Variants in SYT14 observed in about 807,000 individuals in gnomAD.
SYT14 encodes synaptotagmin 14.
SYT14 carries 32 observed loss-of-function variants against 74.2 expected under a neutral mutation model. The observed-to-expected ratio is 0.43, with a 90% CI of 0.33 to 0.58. The LOEUF is 0.58. Ranked by LOEUF, SYT14 falls within the 20% of genes least tolerant of loss-of-function variation. The pLI is 0.05. For synonymous variants in SYT14, 298 were observed against 337.7 expected (o/e 0.88, Z 1.29); for missense variants, 791 against 981.8 (o/e 0.81, Z 2.60).
intron 4 of SYT14, among the ~76,000 whole-genome samples, chr1:210,019,469 CA>C (rs2080259355): frequency 6.6e-6 from 1 of 152,134 alleles, no homozygotes; most frequent in Non-Finnish European, 1.5e-5. Flanking sequence ...TGGCTAATAG[CA>C]TGGGGAACTG....
At chr1:209,961,686 A>T (rs751207801) in intron 2 of SYT14, among the ~76,000 whole-genome samples, 2 of 152,154 alleles carry the variant, frequency 1.3e-5, no homozygotes, top group African/African-American at 2.4e-5. Context: ...AGGTAGGGAC[A>T]GTCTTGGAAC....
At chr1:210,144,908 A>G (rs774484132) in intron 7 of SYT14, among the ~76,000 whole-genome samples, 7 of 152,054 alleles carry the variant, frequency 4.6e-5, no homozygotes, top group Non-Finnish European at 1.0e-4. Flanking sequence ...ATGTGAGAGC[A>G]TTTCTGGGAT....
intron 7 of SYT14, among the ~76,000 whole-genome samples, chr1:210,141,964 T>C (rs377147549): frequency 1.9e-4 from 29 of 152,336 alleles, no homozygotes; most frequent in African/African-American, 6.7e-4. Context: ...TATTTTTTCA[T>C]TGGCCAGAGC....
intron 7 of SYT14, among the ~76,000 whole-genome samples, chr1:210,114,321 G>T (rs1323721979): frequency 1.3e-5 from 2 of 151,408 alleles, no homozygotes; most frequent in Non-Finnish European, 2.9e-5. Flanking sequence ...GACCACTGTG[G>T]CTTAGGTGTT....
chr1:210,017,841 A>G (rs1278066649), intron 4 of SYT14, among the ~76,000 whole-genome samples: 1 of 152,188 alleles, frequency 6.6e-6, no homozygotes, highest in African/African-American at 2.4e-5. Flanking sequence ...ATATCCACTT[A>G]TTGCTGATCT....
intron 5 of SYT14, among the ~76,000 whole-genome samples, chr1:210,084,598 C>T (rs1001006668): frequency 1.3e-5 from 2 of 152,194 alleles, no homozygotes; most frequent in African/African-American, 2.4e-5. Flanking sequence ...CAGAGCAGAT[C>T]GTGGCATAGA....
At position 209,961,833 on chromosome 1, in the gene SYT14, C is replaced by T. The variant is rs117324217; in HGVS notation, c.-486+9077C>T. Among the ~76,000 whole-genome samples, 42 of 152,112 alleles carry T rather than the reference C, an allele frequency of 2.8e-4. No homozygotes were observed. The East Asian group carries it at 8.1e-3, about 29-fold the overall frequency. Reference sequence around the variant, plus strand: ...ACTTTGAATGTATGAGACCTACCTACTGAGTTACTAATGTTAGCCTTCTAA... The same window carrying T: ...ACTTTGAATGTATGAGACCTACCTATTGAGTTACTAATGTTAGCCTTCTAA... On this transcript the variant is annotated intron_variant, in intron 2 of 9. Transcript: ENST00000637265.
chr1:210,157,613 G>A (rs1193741032), intron 8 of SYT14, among the ~76,000 whole-genome samples: 4 of 151,614 alleles, frequency 2.6e-5, no homozygotes, highest in African/African-American at 7.3e-5. Flanking sequence ...ATGGTGGCGC[G>A]TGCCTGTAAT....
intron 7 of SYT14, 104 bp downstream of exon 6, chr1:210,100,565 T>C (rs1304036803): frequency 8.7e-7 from 1 of 1,144,456 alleles, no homozygotes; most frequent in Admixed American, 2.0e-5. Flanking sequence ...TCAGTCTATT[T>C]TTTTACATAG....
At chr1:209,949,475 A>G (rs1269753623) in intron 1 of SYT14, among the ~76,000 whole-genome samples, 1 of 151,590 alleles carries the variant, frequency 6.6e-6, no homozygotes, top group African/African-American at 2.4e-5. Context: ...CGGGAGGCTG[A>G]GGCAGGAGAA....
intron 7 of SYT14, among the ~76,000 whole-genome samples, chr1:210,148,950 A>T (rs967320415): frequency 1.3e-5 from 2 of 152,172 alleles, no homozygotes; most frequent in African/African-American, 4.8e-5. Flanking sequence ...TAAGCATTTT[A>T]AAATAATTCA....
chr1:210,020,111 A>T (rs560800214), intron 4 of SYT14, among the ~76,000 whole-genome samples: 1 of 152,216 alleles, frequency 6.6e-6, no homozygotes, highest in East Asian at 1.9e-4. Flanking sequence ...GTGTATATAT[A>T]TTTTTCAAAT....
chr1:210,063,912 C>G (rs1269307475), intron 5 of SYT14, among the ~76,000 whole-genome samples: 1 of 151,748 alleles, frequency 6.6e-6, no homozygotes, highest in South Asian at 2.1e-4. Context: ...GATATAACAG[C>G]CTTCTAATCT....
intron 7 of SYT14, among the ~76,000 whole-genome samples, chr1:210,109,588 AAAG>A (rs922154050): frequency 3.6e-4 from 55 of 151,534 alleles, no homozygotes; most frequent in Middle Eastern, 6.8e-3. Context: ...AAAAAAAAAA[AAAG>A]AGAGAAAAAA....
At chr1:210,155,776 C>T (rs754067324) in exon 8 of SYT14, 8 of 1,614,042 alleles carry the variant, frequency 5.0e-6, no homozygotes, top group South Asian at 1.1e-5. Context: ...AGTACATCCT[C>T]ATGTCAGTCT....
intron 1 of SYT14, among the ~76,000 whole-genome samples, chr1:209,945,318 C>G (rs1489593039): frequency 6.6e-6 from 1 of 152,180 alleles, no homozygotes; most frequent in Non-Finnish European, 1.5e-5. Flanking sequence ...TGAAGTCTGA[C>G]TCAATTCAGA....
intron 5 of SYT14, among the ~76,000 whole-genome samples, chr1:210,085,988 G>T (rs2081721216): frequency 1.3e-5 from 2 of 152,042 alleles, no homozygotes; most frequent in South Asian, 4.1e-4. Flanking sequence ...AAGTTCACCA[G>T]TGAAGCTCTC....
intron 5 of SYT14, among the ~76,000 whole-genome samples, chr1:210,083,347 C>A (rs2081654367): frequency 6.6e-6 from 1 of 152,152 alleles, no homozygotes. Flanking sequence ...ATTAGACTTT[C>A]AAGGCGTGAC....
chr1:210,027,902 G>A (rs170558), intron 5 of SYT14, among the ~76,000 whole-genome samples: 86,541 of 151,798 alleles, frequency 0.57, 26,799 homozygotes, highest in African/African-American at 0.82. Flanking sequence ...ATTGTGATAA[G>A]ATATATACAT....
Sources: gnomAD v4.1 joint callset for allele counts (sites outside exome capture counted in the v4.1 genomes callset) on GRCh38, gnomAD v4.1.1 for gene constraint, MANE v1.5 for transcripts, NCBI Gene and HGNC (gene_info 2026-07-23, HGNC 2026-07-21) for gene names.